PTPRD: variants seen among roughly 807,000 people sequenced by gnomAD.
PTPRD encodes the protein receptor-type tyrosine-protein phosphatase delta.
Under a neutral mutation model 214.5 loss-of-function variants are expected in PTPRD, and 34 were observed. The ratio of observed to expected loss-of-function variants is 0.16; its 90% CI spans 0.12 to 0.21. PTPRD has a LOEUF of 0.21. Among genes scored for constraint, PTPRD ranks in the 10% least tolerant of loss-of-function variants. The pLI is 1.00. For missense variants in PTPRD, 2,545 were observed against 2,398.7 expected (o/e 1.06, Z -1.27); for synonymous variants, 1,128 against 845.7 (o/e 1.33, Z -5.79).
chr9:9,761,718 A>C (rs1249433231), intron 6 of PTPRD, among the ~76,000 whole-genome samples: 3 of 152,100 alleles, frequency 2.0e-5, no homozygotes. Flanking sequence ...TTATCTCAAT[A>C]AAAATTTCGA....
intron 9 of PTPRD, among the ~76,000 whole-genome samples, chr9:9,357,956 T>C (rs1018620621): frequency 6.6e-6 from 1 of 151,284 alleles, no homozygotes; most frequent in Non-Finnish European, 1.5e-5. Flanking sequence ...ATTTGCACTT[T>C]CCAAAGAGAG....
At chr9:9,686,082 T>C (rs2097161878) in intron 7 of PTPRD, among the ~76,000 whole-genome samples, 1 of 151,398 alleles carries the variant, frequency 6.6e-6, no homozygotes, top group South Asian at 2.1e-4. Flanking sequence ...AAGTTATATT[T>C]TGGGAAGTTT....
intron 12 of PTPRD, among the ~76,000 whole-genome samples, chr9:8,677,815 C>T (rs942212284): frequency 2.0e-5 from 3 of 152,180 alleles, no homozygotes; most frequent in African/African-American, 4.8e-5. Context: ...CCAGGCACCA[C>T]AAGCAGCGGG....
At chr9:9,241,007 T>A (rs1376665521) in intron 9 of PTPRD, among the ~76,000 whole-genome samples, 1 of 152,168 alleles carries the variant, frequency 6.6e-6, no homozygotes, top group Non-Finnish European at 1.5e-5. Flanking sequence ...CTGATAACTT[T>A]AAGATTATAC....
At chr9:10,375,544 A>G (rs1380626058) in intron 2 of PTPRD, among the ~76,000 whole-genome samples, 1 of 152,006 alleles carries the variant, frequency 6.6e-6, no homozygotes, top group Non-Finnish European at 1.5e-5. Flanking sequence ...AAGCAAAACC[A>G]TGTTAGTATG....
chr9:9,199,264 A>C (rs2099940485), intron 9 of PTPRD, among the ~76,000 whole-genome samples: 2 of 152,194 alleles, frequency 1.3e-5, no homozygotes, highest in South Asian at 2.1e-4. Flanking sequence ...TGCTGGGATA[A>C]AGATTTATTT....
At chr9:10,225,002 T>G (rs942162792) in intron 3 of PTPRD, among the ~76,000 whole-genome samples, 1 of 152,072 alleles carries the variant, frequency 6.6e-6, no homozygotes, top group Non-Finnish European at 1.5e-5. Flanking sequence ...AGGCTGTTAA[T>G]AGTTAAGCTT....
In PTPRD at chr9:10,367,609, G is replaced by T. The variant is rs545009415; in HGVS notation, c.-599-26592C>A. Reference sequence around the variant, plus strand: ...TGTAAAAGTAAAAAGAATTAAAGGAGATAAGTCAATATGAATAAAAGTGAA... The same window carrying T: ...TGTAAAAGTAAAAAGAATTAAAGGATATAAGTCAATATGAATAAAAGTGAA... On this transcript the variant is annotated intron_variant, in intron 2 of 45. Coordinates refer to ENST00000381196, the MANE Select transcript of PTPRD (RefSeq NM_002839.4). 3.9e-5 allele frequency among the ~76,000 whole-genome samples: 6 copies of T among 152,274 alleles called. No homozygotes were observed. In the Middle Eastern group the frequency reaches 0.01, roughly 259 times the overall value.
intron 3 of PTPRD, among the ~76,000 whole-genome samples, chr9:10,171,234 T>G (rs560986249): frequency 2.0e-5 from 3 of 152,196 alleles, no homozygotes; most frequent in Non-Finnish European, 2.9e-5. Context: ...CACCCAAATC[T>G]CATCCTGAGT....
chr9:8,936,435 A>C (rs903799196), intron 11 of PTPRD, among the ~76,000 whole-genome samples: 2 of 148,862 alleles, frequency 1.3e-5, no homozygotes, highest in African/African-American at 5.0e-5. Flanking sequence ...TCCAAAAAAA[A>C]AAAAAAAAAA....
chr9:9,549,380 T>C (rs2079626429), intron 8 of PTPRD, among the ~76,000 whole-genome samples: 1 of 152,054 alleles, frequency 6.6e-6, no homozygotes. Context: ...GAAAAGACAT[T>C]TTAAAATGAA....
intron 7 of PTPRD, among the ~76,000 whole-genome samples, chr9:9,696,408 C>A (rs1313064785): frequency 1.3e-5 from 2 of 152,078 alleles, no homozygotes; most frequent in African/African-American, 4.8e-5. Flanking sequence ...GTGTTGAAGT[C>A]CCATGCTATT....
chr9:9,649,517 A>G (rs2096279847), intron 7 of PTPRD, among the ~76,000 whole-genome samples: 1 of 152,210 alleles, frequency 6.6e-6, no homozygotes, highest in Non-Finnish European at 1.5e-5. Flanking sequence ...AGAAAAACAA[A>G]AATGATAGAT....
chr9:8,337,472 G>A (rs759237435), intron 43 of PTPRD, among the ~76,000 whole-genome samples: 9 of 151,992 alleles, frequency 5.9e-5, no homozygotes, highest in Admixed American at 2.6e-4. Context: ...CTAGGGGAAC[G>A]ATAGCATTAG....
chr9:9,090,558 G>T (rs1020545638), intron 10 of PTPRD, among the ~76,000 whole-genome samples: 1 of 152,162 alleles, frequency 6.6e-6, no homozygotes, highest in South Asian at 2.1e-4. Flanking sequence ...ATATGTCAGC[G>T]TTATTAGGTC....
intron 2 of PTPRD, among the ~76,000 whole-genome samples, chr9:10,605,722 A>G (rs1378732107): frequency 1.3e-5 from 2 of 151,834 alleles, no homozygotes; most frequent in Non-Finnish European, 2.9e-5. Context: ...TTCTCTATGG[A>G]ATCAAAAATT....
At chr9:9,117,237 T>TTTG (rs762711027) in intron 10 of PTPRD, among the ~76,000 whole-genome samples, 119 of 147,550 alleles carry the variant, frequency 8.1e-4, no homozygotes, top group African/African-American at 2.8e-3. Flanking sequence ...TTTTTTTTTG[T>TTTG]ACTTTCAGGG....
intron 5 of PTPRD, among the ~76,000 whole-genome samples, chr9:9,776,769 G>T (rs1036918954): frequency 1.3e-5 from 2 of 151,984 alleles, no homozygotes; most frequent in African/African-American, 4.8e-5. Context: ...ACAAAAGGAA[G>T]ATCAATATAG....
intron 5 of PTPRD, among the ~76,000 whole-genome samples, chr9:9,874,061 T>C (rs1242754124): frequency 6.6e-6 from 1 of 152,166 alleles, no homozygotes; most frequent in African/African-American, 2.4e-5. Flanking sequence ...GAAATGTTTT[T>C]AGGACAAAAA....
Sources: allele counts gnomAD v4.1 joint callset (sites outside exome capture counted in the v4.1 genomes callset), GRCh38; gene constraint gnomAD v4.1.1; transcripts MANE v1.5; gene names NCBI Gene and HGNC (gene_info 2026-07-23, HGNC 2026-07-21).